Variants in ARFGAP3 observed in about 807,000 individuals in gnomAD.
The protein encoded by ARFGAP3 is ARF GTPase activating protein 3, also known as ADP-ribosylation factor GTPase-activating protein 3.
Under a neutral mutation model 75.0 loss-of-function variants are expected in ARFGAP3, and 72 were observed. The observed-to-expected ratio is 0.96, with a 90% CI of 0.79 to 1.17. The LOEUF is 1.17. Ranked by LOEUF, ARFGAP3 falls within the 50% of genes most tolerant of loss-of-function variation. The pLI is 0.00. For synonymous variants in ARFGAP3, 221 were observed against 217.9 expected, an observed-to-expected ratio of 1.01 and a Z score of -0.13; for missense variants, 620 against 626.6, an observed-to-expected ratio of 0.99 and a Z score of 0.11.
intron 14 of ARFGAP3, among the ~76,000 whole-genome samples, chr22:42,802,884 G>A (rs1223165694): frequency 2.0e-5 from 3 of 152,184 alleles, no homozygotes; most frequent in South Asian, 2.1e-4. Flanking sequence ...ACAGGCGTGA[G>A]CCACCACACC....
intron 14 of ARFGAP3, among the ~76,000 whole-genome samples, chr22:42,805,788 G>C (rs984787274): frequency 6.6e-6 from 1 of 152,210 alleles, no homozygotes; most frequent in Non-Finnish European, 1.5e-5. Context: ...CACTGGCAGC[G>C]GATGTGCCGG....
chr22:42,819,510 C>A (rs1224868618), intron 9 of ARFGAP3, among the ~76,000 whole-genome samples: 1 of 152,114 alleles, frequency 6.6e-6, no homozygotes, highest in Non-Finnish European at 1.5e-5. Context: ...GTCAGAACAC[C>A]GCGTTTCTCA....
At chr22:42,809,785 T>C (rs1465803223) in intron 12 of ARFGAP3, among the ~76,000 whole-genome samples, 1 of 151,616 alleles carries the variant, frequency 6.6e-6, no homozygotes, top group African/African-American at 2.4e-5. Context: ...GGGTGGATCA[T>C]GAGGTCAGGA....
chr22:42,805,551 C>T (rs11913831), intron 14 of ARFGAP3, among the ~76,000 whole-genome samples: 5,854 of 152,246 alleles, frequency 0.038, 161 homozygotes, highest in African/African-American at 0.074. Flanking sequence ...GCCCTGACAA[C>T]AGGCCAGGAC....
chr22:42,834,412 T>C, intron 4 of ARFGAP3, 87 bp from the exon 5 acceptor site: 1 of 1,543,998 alleles, frequency 6.5e-7, no homozygotes, highest in Non-Finnish European at 8.7e-7. Flanking sequence ...CTTAGAGACC[T>C]GTTTCCTAAA....
chr22:42,837,620 C>CAA (rs574222602), intron 3 of ARFGAP3, among the ~76,000 whole-genome samples: 16 of 66,482 alleles, frequency 2.4e-4, no homozygotes, highest in South Asian at 1.2e-3. Context: ...GACTCTATCT[C>CAA]AAAAAAAAAA....
chr22:42,822,080 G>C (rs912605815), intron 9 of ARFGAP3, among the ~76,000 whole-genome samples, 190 bp downstream of exon 9: 2 of 152,022 alleles, frequency 1.3e-5, no homozygotes, highest in East Asian at 3.8e-4. Context: ...CCTCAGCAGA[G>C]TGTTGCTGCC....
At position 42,834,260 on chromosome 22, in the gene ARFGAP3, G is replaced by A. The variant is rs17003382; in HGVS notation, c.459C>T (p.Ala153=). 4.5e-3 allele frequency: 7,248 copies of A among 1,613,744 alleles called. 306 individuals are homozygous for A. The African/African-American group carries it at 0.088, about 20-fold the overall frequency. ...SPPPKEEDFF[A]SHVSPEVSDT... ...TACATACCTCAGGAGAAACGTGAGAGGCAAAAAAATCTTCCTCCTTTGGTG... is the reference window on the plus strand; with the variant it reads ...TACATACCTCAGGAGAAACGTGAGAAGCAAAAAAATCTTCCTCCTTTGGTG... The change falls in exon 5 of 16, where the codon GCC becomes GCT. Residue 153 remains alanine (A), a synonymous_variant. Transcript: ENST00000263245.
chr22:42,808,763 T>C lies in ARFGAP3; in HGVS notation c.1320+4A>G, dbSNP rs774409806. The C allele has an allele frequency of 6.2e-6, 10 of 1,608,978 alleles. No homozygotes were observed. Among genetic ancestry groups the C allele is most frequent in the Non-Finnish European group, 8.5e-6 (10 of 1,176,830 alleles). On this transcript the variant is annotated splice_donor_region_variant and intron_variant, in intron 13 of 15. Coordinates refer to ENST00000263245, the MANE Select transcript of ARFGAP3 (RefSeq NM_014570.5). ...GCACCCAAAGAAACTCTCTGGACCCTTACATCAGCCTGGGATTGTCTTCCA... is the reference window on the plus strand; with the variant it reads ...GCACCCAAAGAAACTCTCTGGACCCCTACATCAGCCTGGGATTGTCTTCCA...
At chr22:42,842,257 G>A (rs963887013) in intron 2 of ARFGAP3, among the ~76,000 whole-genome samples, 2 of 150,034 alleles carry the variant, frequency 1.3e-5, no homozygotes, top group Non-Finnish European at 3.0e-5. Flanking sequence ...CACCCACCTT[G>A]GCCTCCCAAA....
chr22:42,799,135 C>A lies in ARFGAP3; in HGVS notation c.1437G>T (p.Leu479=), dbSNP rs750144728. 1 of 1,614,174 alleles carries A rather than the reference C, an allele frequency of 6.2e-7. No individual in the cohort carries two copies. Residue 479 remains leucine (L), a synonymous_variant, in exon 15 of 16, where the codon CTG becomes CTT. Coordinates refer to ENST00000263245, the MANE Select transcript of ARFGAP3 (RefSeq NM_014570.5). ...PAGNYSLSSV[L]PNAPDMAQFK... ...ACTGCGCCATGTCGGGGGCGTTGGG[C>A]AGCACACTGGACAGGCTGTAGTTCC...
rs1033376280 is a variant in ARFGAP3 at position 42,804,767 on chromosome 22, C to T, written c.1411+2306G>A. Among the ~76,000 whole-genome samples the T allele has an allele frequency of 5.3e-4, 81 of 152,254 alleles. 1 individual carries two copies. The highest frequency in any genetic ancestry group is 1.7e-3 in the African/African-American group (72 of 41,540). On this transcript the variant is annotated intron_variant, in intron 14 of 15. Coordinates refer to ENST00000263245, the MANE Select transcript of ARFGAP3 (RefSeq NM_014570.5). The stretch of plus-strand genomic sequence containing the variant: ...TCGACCTCAGGTGATCCGCCTACCT[C>T]GGCCTCCCAAAGTGTTGGGATTACA...
chr22:42,835,420 A>G lies in ARFGAP3; in HGVS notation c.335T>C (p.Leu112Pro). 4.3e-6 allele frequency: 7 copies of G among 1,614,122 alleles called. No individual in the cohort carries two copies. Among genetic ancestry groups the G allele is most frequent in the South Asian group, 1.1e-5 (1 of 91,084 alleles). Residue 112 changes from leucine (L) to proline (P), a missense_variant, in exon 4 of 16, where the codon CTC becomes CCC. Physicochemically the swap from Leu to Pro is moderately conservative, Grantham distance 98. Transcript: ENST00000263245. The part of the protein sequence containing the change: ...NAKYNSRAAQ[L>P]YREKIKSLAS... ...GAGCGATTTGATTTTCTCCCTATAG[A>G]GCTGAGCAGCACGACTGTTGTACTT...
rs939621655 is a variant in ARFGAP3 at position 42,796,611 on chromosome 22, C to T, written c.*977G>A. On this transcript the variant is annotated 3_prime_UTR_variant, in exon 16 of 16. Coordinates refer to ENST00000263245, the MANE Select transcript of ARFGAP3 (RefSeq NM_014570.5). ...TTCACAAAATATTCATTCAAAACCA[C>T]ATTTTTGGCTTATCAAATTTCAAAT... 9 of 152,328 alleles carry T rather than the reference C, an allele frequency of 5.9e-5. No homozygotes were observed. The highest frequency in any genetic ancestry group is 2.2e-4 in the African/African-American group (9 of 41,576). The allele number at this position is 152,328 out of a possible 1,614,324, so 9.4% of individuals were successfully genotyped here. A position where few individuals can be genotyped will look rare whatever the true frequency, so the allele number is the denominator to read the frequency against.
At chr22:42,851,690 T>C (rs1246257849) in intron 1 of ARFGAP3, among the ~76,000 whole-genome samples, 1 of 152,260 alleles carries the variant, frequency 6.6e-6, no homozygotes, top group Non-Finnish European at 1.5e-5. Flanking sequence ...AAGCAGGGAC[T>C]GCGCTTTGAT....
chr22:42,828,348 A>C (rs1038813761), intron 6 of ARFGAP3, among the ~76,000 whole-genome samples: 7 of 151,908 alleles, frequency 4.6e-5, no homozygotes, highest in Admixed American at 2.0e-4. Flanking sequence ...CATGAGGTCA[A>C]GAGTTCAAGA....
intron 15 of ARFGAP3, among the ~76,000 whole-genome samples, chr22:42,798,153 G>A (rs535862784): frequency 1.3e-5 from 2 of 152,348 alleles, no homozygotes; most frequent in South Asian, 4.1e-4. Flanking sequence ...TGACCTAAGG[G>A]ACATGAAAGA....
chr22:42,811,966 T>C (rs1236861114), intron 11 of ARFGAP3, among the ~76,000 whole-genome samples: 1 of 152,034 alleles, frequency 6.6e-6, no homozygotes, highest in East Asian at 1.9e-4. Context: ...TGCTTGAGCC[T>C]GGGAGTTCCA....
At chr22:42,818,106 T>C (rs1925659313) in intron 9 of ARFGAP3, 1 of 163,660 alleles carries the variant, frequency 6.1e-6, no homozygotes, top group Non-Finnish European at 1.3e-5. Flanking sequence ...GTTTAGTTCA[T>C]GTTACCTATT....
Sources: allele counts gnomAD v4.1 joint callset (sites outside exome capture counted in the v4.1 genomes callset), GRCh38; gene constraint gnomAD v4.1.1; transcripts MANE v1.5; gene names NCBI Gene and HGNC (gene_info 2026-07-23, HGNC 2026-07-21).